Variants in LMOD2 observed in about 807,000 individuals in gnomAD.
LMOD2 encodes leiomodin-2.
Under a neutral mutation model 41.7 loss-of-function variants are expected in LMOD2, and 27 were observed. The observed-to-expected ratio is 0.65, with a 90% confidence interval of 0.48 to 0.89. LMOD2 has a LOEUF of 0.89. LMOD2 is among the 40% of genes least tolerant of loss of function. The pLI, the probability that LMOD2 is intolerant of heterozygous loss-of-function variation, is 0.00. For missense variants in LMOD2, 624 were observed against 667.9 expected (o/e 0.93, Z 0.72); for synonymous variants, 251 against 244.6 (o/e 1.03, Z -0.25).
rs528578840 is a variant in LMOD2 at position 123,658,718 on chromosome 7, T to C, written c.273+2482T>C. On this transcript the variant is annotated intron_variant, in intron 1 of 2. Coordinates refer to ENST00000458573, the MANE Select transcript of LMOD2 (RefSeq NM_207163.3). ...GACAAGGCAAGGTTAAGAAACTCAT[T>C]AGAGGTTAAGAGCTTGTACATAGAA... 2.6e-5 allele frequency among the ~76,000 whole-genome samples: 4 copies of C among 152,318 alleles called. No homozygotes were observed. The East Asian group carries it at 7.7e-4, about 29-fold the overall frequency.
At position 123,661,843 on chromosome 7, in the gene LMOD2, G is replaced by A. The variant is rs376977515; in HGVS notation, c.274-17G>A. 1.7e-4 allele frequency: 240 copies of A among 1,441,036 alleles called. No individual in the cohort carries two copies. The highest frequency in any genetic ancestry group is 2.1e-4 in the Non-Finnish European group (231 of 1,081,948). The allele number at this position is 1,441,036 out of a possible 1,614,324, so 89.3% of individuals were successfully genotyped here. A position where few individuals can be genotyped will look rare whatever the true frequency, so the allele number is the denominator to read the frequency against. On this transcript the variant is annotated splice_polypyrimidine_tract_variant and intron_variant, in intron 1 of 2. Transcript: ENST00000458573. Reference sequence around the variant, plus strand: ...TATCATTTTTAAGAAGCTTAATGATGATATCATACTCTTTAGGTTGCAGAA... The same window carrying A: ...TATCATTTTTAAGAAGCTTAATGATAATATCATACTCTTTAGGTTGCAGAA...
Position 123,656,176 on chromosome 7 carries a change from C to T in LMOD2, c.213C>T (p.Ala71=), listed in dbSNP as rs908959349. The change falls in exon 1 of 3, where the codon GCC becomes GCT. Residue 71 remains alanine, a synonymous_variant. Transcript: ENST00000458573. ...CATTCAGCAGAGAGGCACTGATGGC[C>T]TATTGGGAAAAGGAGTCCCAAAAAC... ...TGTFSREALM[A]YWEKESQKLL... 3 of 1,609,886 alleles carry T rather than the reference C, an allele frequency of 1.9e-6. No homozygotes were observed. In the African/African-American group the frequency reaches 4.0e-5, roughly 22 times the overall value.
At chr7:123,660,657 T>C (rs990184111) in intron 1 of LMOD2, among the ~76,000 whole-genome samples, 6 of 149,378 alleles carry the variant, frequency 4.0e-5, no homozygotes, top group Admixed American at 2.0e-4. Context: ...GTCCCAGGGC[T>C]GTAGAGAAGA....
At chr7:123,661,031 C>A (rs761253639) in intron 1 of LMOD2, among the ~76,000 whole-genome samples, 1 of 152,148 alleles carries the variant, frequency 6.6e-6, no homozygotes, top group Admixed American at 6.5e-5. Flanking sequence ...TCTCATTTAA[C>A]CCTGGACTAG....
chr7:123,656,147 G>C lies in LMOD2; in HGVS notation c.184G>C (p.Gly62Arg), dbSNP rs1802783345. 1 of 1,609,768 alleles carries C rather than the reference G, an allele frequency of 6.2e-7. No individual in the cohort carries two copies. Among genetic ancestry groups the C allele is most frequent in the Non-Finnish European group, 8.5e-7 (1 of 1,178,194 alleles). Residue 62 changes from glycine (G) to arginine (R), a missense_variant, in exon 1 of 3, where the codon GGG becomes CGG. Transcript: ENST00000458573. ...QKSLTEKTPT[G>R]TFSREALMAY... ...GAGCCTGACAGAGAAAACCCCCACA[G>C]GGACATTCAGCAGAGAGGCACTGAT...
chr7:123,660,409 A>C (rs2116735518), intron 1 of LMOD2, among the ~76,000 whole-genome samples: 1 of 151,918 alleles, frequency 6.6e-6, no homozygotes, highest in South Asian at 2.1e-4. Flanking sequence ...TTAAGACTGG[A>C]AAAGTCATCC....
chr7:123,656,139 C>T lies in LMOD2; in HGVS notation c.176C>T (p.Thr59Ile), dbSNP rs184693390. 628 of 1,609,790 alleles carry T rather than the reference C, an allele frequency of 3.9e-4. No homozygotes were observed. The highest frequency in any genetic ancestry group is 2.7e-4 in the Non-Finnish European group (316 of 1,178,116). The change falls in exon 1 of 3, where the codon ACC becomes ATC. Residue 59 changes from threonine (T) to isoleucine (I), a missense_variant. Physicochemically the swap from Thr to Ile is moderately conservative, Grantham distance 89. Coordinates refer to ENST00000458573, the MANE Select transcript of LMOD2 (RefSeq NM_207163.3). ...GLRQKSLTEK[T>I]PTGTFSREAL... ...AGGCAAAAGAGCCTGACAGAGAAAA[C>T]CCCCACAGGGACATTCAGCAGAGAG...
rs748287233 is a variant in LMOD2, at chr7:123,663,787, AT to A, written c.*44del. On this transcript the variant is annotated 3_prime_UTR_variant, in exon 3 of 3. Coordinates refer to ENST00000458573, the MANE Select transcript of LMOD2 (RefSeq NM_207163.3). The stretch of plus-strand genomic sequence containing the variant: ...AGAGGATGCAGAACTGTTCAGTGGT[AT>A]TACATGAAATGCATTGTGAGATGTT... 1.1e-5 allele frequency: 17 copies of A among 1,508,404 alleles called. No individual in the cohort carries two copies. The East Asian group carries it at 3.6e-4, about 32-fold the overall frequency. 93.4% of individuals were successfully genotyped at this position (1,508,404 alleles called of 1,614,324 possible). A position where few individuals can be genotyped will look rare whatever the true frequency, so the allele number is the denominator to read the frequency against.
At position 123,661,920 on chromosome 7, in the gene LMOD2, G is replaced by A; in HGVS notation, c.334G>A (p.Val112Ile). The change falls in exon 2 of 3, where the codon GTT (valine) becomes ATT (isoleucine). Residue 112 changes from valine (V) to isoleucine (I), a missense_variant. Transcript: ENST00000458573. ...TATCTTTACTGAAAGTAACAGTGAGGTTTCTGAGGAAGTGTATACAGAGGA... is the reference window on the plus strand; with the variant it reads ...TATCTTTACTGAAAGTAACAGTGAGATTTCTGAGGAAGTGTATACAGAGGA... ...ELIFTESNSE[V>I]SEEVYTEEEE... The A allele has an allele frequency of 1.3e-6, 2 of 1,551,090 alleles. No individual in the cohort carries two copies. Among genetic ancestry groups the A allele is most frequent in the African/African-American group, 1.4e-5 (1 of 73,058 alleles).
chr7:123,661,243 A>C (rs999705114), intron 1 of LMOD2, among the ~76,000 whole-genome samples: 9 of 152,204 alleles, frequency 5.9e-5, no homozygotes, highest in African/African-American at 2.2e-4. Flanking sequence ...TCTACCGTAG[A>C]AGCAGATAAA....
At chr7:123,660,493 T>C (rs28665049) in intron 1 of LMOD2, among the ~76,000 whole-genome samples, 108 of 152,166 alleles carry the variant, frequency 7.1e-4, no homozygotes, top group African/African-American at 2.1e-3. Flanking sequence ...CTGGAGGCTA[T>C]TTTGTGATAG....
chr7:123,663,421 C>A, intron 2 of LMOD2: 1 of 646,028 alleles, frequency 1.5e-6, no homozygotes, highest in Non-Finnish European at 2.6e-6. Context: ...CCCAGCCTCT[C>A]AATCATATAA....
chr7:123,660,478 G>A (rs1472726839), intron 1 of LMOD2, among the ~76,000 whole-genome samples: 1 of 152,036 alleles, frequency 6.6e-6, no homozygotes, highest in African/African-American at 2.4e-5. Context: ...CCAAACAGTG[G>A]ATAACTGGAG....
Position 123,656,143 on chromosome 7 carries a change from C to A in LMOD2, c.180C>A (p.Pro60=). ...AAAAGAGCCTGACAGAGAAAACCCC[C>A]ACAGGGACATTCAGCAGAGAGGCAC... is the stretch of plus-strand genomic sequence containing the variant. The part of the protein sequence containing the change: ...LRQKSLTEKT[P]TGTFSREALM... The change falls in exon 1 of 3, where the codon CCC becomes CCA. Residue 60 remains proline (P), a synonymous_variant. Coordinates refer to ENST00000458573, the MANE Select transcript of LMOD2 (RefSeq NM_207163.3). The A allele has an allele frequency of 6.2e-7, 1 of 1,609,860 alleles. No homozygotes were observed. Among genetic ancestry groups the A allele is most frequent in the South Asian group, 1.1e-5 (1 of 89,982 alleles).
intron 1 of LMOD2, among the ~76,000 whole-genome samples, chr7:123,660,577 GC>G (rs1410784398): frequency 1.5e-5 from 2 of 129,106 alleles, no homozygotes; most frequent in Non-Finnish European, 3.4e-5. Flanking sequence ...GGCAGCGGGC[GC>G]CCTCGAGGTC....
Position 123,656,222 on chromosome 7 carries a change from G to C in LMOD2, c.259G>C (p.Gly87Arg). Residue 87 changes from glycine to arginine, a missense_variant, in exon 1 of 3, where the codon GGG becomes CGG. Coordinates refer to ENST00000458573, the MANE Select transcript of LMOD2 (RefSeq NM_207163.3). Reference sequence around the variant, plus strand: ...AAAACTCTTGGAGAAGGAGAGGCTGGGGGAATGTGGAAAGGTAGGCTCTCG... The same window carrying C: ...AAAACTCTTGGAGAAGGAGAGGCTGCGGGAATGTGGAAAGGTAGGCTCTCG... ...SQKLLEKERL[G>R]ECGKVAEDKE... 1 of 1,607,086 alleles carries C rather than the reference G, an allele frequency of 6.2e-7. No individual in the cohort carries two copies. The highest frequency in any genetic ancestry group is 8.5e-7 in the Non-Finnish European group (1 of 1,177,080).
At chr7:123,659,794 T>C (rs1802844088) in intron 1 of LMOD2, among the ~76,000 whole-genome samples, 1 of 152,124 alleles carries the variant, frequency 6.6e-6, no homozygotes, top group Non-Finnish European at 1.5e-5. Flanking sequence ...CTGAGGGATA[T>C]TTGGAGAGGA....
chr7:123,662,921 C>T lies in LMOD2; in HGVS notation c.1335C>T (p.Pro445=), dbSNP rs1442335283. The T allele has an allele frequency of 2.6e-6, 4 of 1,553,314 alleles. No individual in the cohort carries two copies. The highest frequency in any genetic ancestry group is 2.6e-6 in the Non-Finnish European group (3 of 1,147,948). The stretch of plus-strand genomic sequence containing the variant: ...GGCTGCCACCACCTCCTCCTCCTCC[C>T]CCTCCTCCACTCCCAGAGAAAAAGC... ...SQRLPPPPPP[P]PPPLPEKKLI... Residue 445 remains proline, a synonymous_variant, in exon 2 of 3, where the codon CCC becomes CCT. Transcript: ENST00000458573. The surrounding 1 kb of genome is among the most constrained non-coding windows in gnomAD (Gnocchi z 4.0).
At chr7:123,658,444 G>T (rs572870247) in intron 1 of LMOD2, among the ~76,000 whole-genome samples, 2 of 152,328 alleles carry the variant, frequency 1.3e-5, no homozygotes, top group East Asian at 3.9e-4. Context: ...AAGGAGCGGA[G>T]GGTCTTGATT....
Sources: allele counts gnomAD v4.1 joint callset (sites outside exome capture counted in the v4.1 genomes callset), GRCh38; gene constraint gnomAD v4.1.1; non-coding constraint Gnocchi (gnomAD v3.1); transcripts MANE v1.5; gene names NCBI Gene and HGNC (gene_info 2026-07-23, HGNC 2026-07-21).